Variants in ANAPC1 observed in about 807,000 individuals in gnomAD.
The protein encoded by ANAPC1 is anaphase-promoting complex subunit 1.
ANAPC1 carries 36 observed loss-of-function variants against 208.0 expected under a neutral mutation model. That is an observed-to-expected ratio of 0.17 (90% CI 0.13 to 0.23). The LOEUF is 0.23. Ranked by LOEUF, ANAPC1 falls within the 10% of genes least tolerant of loss-of-function variation. The pLI, the probability that ANAPC1 is intolerant of heterozygous loss-of-function variation, is 1.00. For missense variants in ANAPC1, 942 were observed against 2,011.6 expected (o/e 0.47, Z 10.17); for synonymous variants, 378 against 695.2 (o/e 0.54, Z 7.18).
intron 17 of ANAPC1, among the ~76,000 whole-genome samples, chr2:111,840,117 CA>C (rs1380382364): frequency 6.6e-6 from 1 of 152,172 alleles, no homozygotes; most frequent in African/African-American, 2.4e-5. Context: ...CCGGAAGCCA[CA>C]AAAAGTTAAC....
chr2:111,827,924 C>T (rs1437170387), intron 21 of ANAPC1, among the ~76,000 whole-genome samples: 1 of 151,754 alleles, frequency 6.6e-6, no homozygotes, highest in African/African-American at 2.4e-5. Flanking sequence ...TAAAGGAATA[C>T]GAAGAGGATA....
intron 21 of ANAPC1, among the ~76,000 whole-genome samples, chr2:111,829,969 C>T (rs1485484203): frequency 2.0e-5 from 3 of 152,052 alleles, no homozygotes; most frequent in Non-Finnish European, 4.4e-5. Context: ...ATTTGGGAGG[C>T]TGAGGCAGGA....
rs556187251 is a variant in ANAPC1 at position 111,863,960 on chromosome 2, T to C, written c.832-65A>G. The C allele has an allele frequency of 2.9e-4, 438 of 1,487,086 alleles. 2 individuals carry two copies. The Middle Eastern group carries it at 4.0e-3, about 14-fold the overall frequency. 92.1% of individuals were successfully genotyped at this position (1,487,086 alleles called of 1,614,324 possible). ...CAATAATTAGAATAAAGTAGCAATT[T>C]CCTTGTAAGAATGCAAGTTGAAGTC... is the stretch of plus-strand genomic sequence containing the variant. On this transcript the variant is annotated intron_variant, in intron 8 of 47. Transcript: ENST00000341068.
At chr2:111,866,166 T>G in intron 7 of ANAPC1, 1 of 236,496 alleles carries the variant, frequency 4.2e-6, no homozygotes, top group Non-Finnish European at 8.1e-6. Context: ...ATCCCGCCAC[T>G]GCACTCCAGC....
chr2:111,879,484 C>T (rs1230447034), intron 2 of ANAPC1, among the ~76,000 whole-genome samples: 1 of 152,176 alleles, frequency 6.6e-6, no homozygotes, highest in Non-Finnish European at 1.5e-5. Context: ...TTTCCCTCCC[C>T]GAGATTTTAG....
At chr2:111,810,911 G>C (rs1243888224) in intron 28 of ANAPC1, among the ~76,000 whole-genome samples, 1 of 147,162 alleles carries the variant, frequency 6.8e-6, no homozygotes, top group Non-Finnish European at 1.5e-5. Flanking sequence ...AAAAAGAACA[G>C]TGGTACCAAC....
chr2:111,816,222 C>T (rs1047190539), intron 27 of ANAPC1, among the ~76,000 whole-genome samples: 2 of 149,878 alleles, frequency 1.3e-5, no homozygotes, highest in Non-Finnish European at 2.9e-5. Context: ...CAAGATCATG[C>T]CATTGCACTC....
chr2:111,863,259 C>T (rs1343329533), intron 9 of ANAPC1, among the ~76,000 whole-genome samples: 1 of 151,652 alleles, frequency 6.6e-6, no homozygotes, highest in Non-Finnish European at 1.5e-5. Flanking sequence ...CTGTAATCCC[C>T]GCACTTTGGG....
chr2:111,778,356 T>C (rs984103228), intron 45 of ANAPC1, among the ~76,000 whole-genome samples: 10 of 151,718 alleles, frequency 6.6e-5, no homozygotes, highest in Admixed American at 5.9e-4. Flanking sequence ...CAAAGAGGCA[T>C]TGCCAGGAGG....
chr2:111,795,180 G>A lies in ANAPC1; in HGVS notation c.4297-286C>T, dbSNP rs540298719. On this transcript the variant is annotated intron_variant, in intron 34 of 47. Coordinates refer to ENST00000341068, the MANE Select transcript of ANAPC1 (RefSeq NM_022662.4). ...AGGTGGATCACGAGGTCAGGAGTTC[G>A]AGACCAGCCTGACCAACATGGTGAA... 70 of 272,584 alleles carry A rather than the reference G, an allele frequency of 2.6e-4. 2 individuals are homozygous for A. In the Admixed American group the frequency reaches 2.7e-3, roughly 11 times the overall value. The allele number at this position is 272,584 out of a possible 1,614,324, so 16.9% of individuals were successfully genotyped here.
At chr2:111,769,679 C>A (rs2367695) in intron 47 of ANAPC1, among the ~76,000 whole-genome samples, 1 of 83,260 alleles carries the variant, frequency 1.2e-5, no homozygotes. Context: ...TACTGGCTTT[C>A]TTTTTTTTTT....
intron 17 of ANAPC1, among the ~76,000 whole-genome samples, chr2:111,840,518 A>G (rs1680704155): frequency 6.6e-6 from 1 of 152,218 alleles, no homozygotes; most frequent in Non-Finnish European, 1.5e-5. Flanking sequence ...GTAGGTGCTC[A>G]GTCCTCCCCA....
At chr2:111,795,053 TG>T (rs1232531644) in intron 34 of ANAPC1, 159 bp from the exon 35 acceptor site, 2 of 650,846 alleles carry the variant, frequency 3.1e-6, no homozygotes, top group Non-Finnish European at 5.1e-6. Context: ...TCTCATTGAA[TG>T]TAATCAAATT....
At chr2:111,832,954 A>AAAAAAAAAAAAAAAAAAAAAAAAAAC (rs1209653499) in intron 20 of ANAPC1, among the ~76,000 whole-genome samples, 1 of 150,404 alleles carries the variant, frequency 6.6e-6, no homozygotes, top group African/African-American at 2.4e-5. Context: ...AAAAAAAAAA[A>AAAAAAAAAAAAAAAAAAAAAAAAAAC]AAGCATCCTT....
intron 17 of ANAPC1, among the ~76,000 whole-genome samples, chr2:111,839,971 A>T (rs1009704173): frequency 5.3e-5 from 8 of 152,132 alleles, no homozygotes; most frequent in African/African-American, 1.7e-4. Flanking sequence ...TTTATCAAAT[A>T]TTATTTATTT....
At chr2:111,849,516 TA>T (rs1167314970) in intron 14 of ANAPC1, among the ~76,000 whole-genome samples, 1 of 152,194 alleles carries the variant, frequency 6.6e-6, no homozygotes, top group East Asian at 1.9e-4. Flanking sequence ...GAACCGTCCC[TA>T]AACATCCACA....
chr2:111,801,386 C>T (rs1400317636), intron 33 of ANAPC1, among the ~76,000 whole-genome samples: 8 of 140,278 alleles, frequency 5.7e-5, no homozygotes, highest in Non-Finnish European at 9.3e-5. Context: ...AAAGAAAATA[C>T]ATTTAATACA....
intron 17 of ANAPC1, among the ~76,000 whole-genome samples, chr2:111,842,029 T>A (rs1353507537): frequency 6.6e-6 from 1 of 152,172 alleles, no homozygotes; most frequent in African/African-American, 2.4e-5. Flanking sequence ...CTTTTAAGAT[T>A]CAATGCTTGG....
chr2:111,833,539 CCGTGAT>C (rs1419043426), intron 19 of ANAPC1, among the ~76,000 whole-genome samples: 1 of 152,008 alleles, frequency 6.6e-6, no homozygotes, highest in Non-Finnish European at 1.5e-5. Context: ...AGTAAAAGCA[CCGTGAT>C]CTAGTTCCTC....
Sources: gnomAD v4.1 joint callset for allele counts (sites outside exome capture counted in the v4.1 genomes callset) on GRCh38, gnomAD v4.1.1 for gene constraint, MANE v1.5 for transcripts, NCBI Gene and HGNC (gene_info 2026-07-23, HGNC 2026-07-21) for gene names.